WHRN: variants seen among roughly 807,000 people sequenced by gnomAD.
The protein encoded by WHRN is CASK-interacting protein CIP98.
In WHRN, 41 loss-of-function variants were observed where a neutral mutation model predicts 68.3. The ratio of observed to expected loss-of-function variants is 0.60; its 90% CI spans 0.47 to 0.78. The LOEUF is 0.78. WHRN is among the 30% of genes least tolerant of loss of function. WHRN has a pLI of 0.00. For missense variants in WHRN, 1,243 were observed against 1,244.7 expected (o/e 1.00, Z 0.02); for synonymous variants, 560 against 561.3 (o/e 1.00, Z 0.03).
chr9:114,457,849 G>A (rs1589178591), intron 3 of WHRN, among the ~76,000 whole-genome samples: 1 of 150,858 alleles, frequency 6.6e-6, no homozygotes, highest in Admixed American at 6.6e-5. Context: ...CCAGGAGGCA[G>A]AGGTTGCAGT....
At chr9:114,475,764 G>A (rs1334423075) in intron 2 of WHRN, among the ~76,000 whole-genome samples, 2 of 152,128 alleles carry the variant, frequency 1.3e-5, no homozygotes, top group Non-Finnish European at 2.9e-5. Context: ...GGGATCCAGA[G>A]ACATCAGCTC....
intron 1 of WHRN, 62 bp downstream of exon 1, chr9:114,504,122 T>C: frequency 6.2e-7 from 1 of 1,611,120 alleles, no homozygotes; most frequent in Non-Finnish European, 8.5e-7. Flanking sequence ...ATGGAGTTAC[T>C]GAAAAAGCTG....
chr9:114,406,741 G>C lies in WHRN; in HGVS notation c.1850C>G (p.Ser617Trp), dbSNP rs150146590. 19 of 1,614,150 alleles carry C rather than the reference G, an allele frequency of 1.2e-5. No homozygotes were observed. The African/African-American group carries it at 2.3e-4, about 19-fold the overall frequency. Residue 617 changes from serine (S) to tryptophan (W), a missense_variant, in exon 9 of 12, where the codon TCG becomes TGG. By Grantham distance (177) the Ser-to-Trp change is radical. Transcript: ENST00000362057. ...CTGTGGAGCCGAGAAGACAGTGCCC[G>C]AGCAGGAAGGCATGGAGGAAGGTGG... ...LQPPSSMPSC[S>W]GTVFSAPQNR...
chr9:114,461,582 T>C (rs946345883), intron 3 of WHRN, among the ~76,000 whole-genome samples: 2 of 152,260 alleles, frequency 1.3e-5, no homozygotes, highest in African/African-American at 4.8e-5. Context: ...CACCTGGCTT[T>C]CCACGTTCAG....
chr9:114,418,312 C>T (rs1835979672), intron 7 of WHRN, among the ~76,000 whole-genome samples: 1 of 152,112 alleles, frequency 6.6e-6, no homozygotes, highest in African/African-American at 2.4e-5. Flanking sequence ...AGAGGGGTTC[C>T]CAGGAGACAA....
chr9:114,414,242 T>G (rs1305683809), intron 7 of WHRN, among the ~76,000 whole-genome samples: 2 of 152,222 alleles, frequency 1.3e-5, no homozygotes, highest in Admixed American at 1.3e-4. Flanking sequence ...ATTTATGCAC[T>G]TCTTGGCTTC....
At chr9:114,480,057 C>T (rs573573006) in intron 1 of WHRN, among the ~76,000 whole-genome samples, 3 of 151,956 alleles carry the variant, frequency 2.0e-5, no homozygotes, top group East Asian at 3.9e-4. Flanking sequence ...AATGAGACTC[C>T]TTCTCAAAAA....
chr9:114,417,752 G>A (rs1835923329), intron 7 of WHRN, among the ~76,000 whole-genome samples: 1 of 152,242 alleles, frequency 6.6e-6, no homozygotes, highest in Non-Finnish European at 1.5e-5. Flanking sequence ...GAATAAAGGT[G>A]ATTATTTCAA....
chr9:114,503,324 C>A, intron 1 of WHRN: 9 of 451,366 alleles, frequency 2.0e-5, no homozygotes, highest in Non-Finnish European at 2.3e-5. Context: ...TTCTTGTACG[C>A]AAAGGAGGTC....
chr9:114,502,840 C>T lies in WHRN; in HGVS notation c.618+1344G>A, dbSNP rs192829058. 4.1e-3 allele frequency among the ~76,000 whole-genome samples: 619 copies of T among 152,248 alleles called. 3 individuals are homozygous for T. Among genetic ancestry groups the T allele is most frequent in the Non-Finnish European group, 7.2e-3 (487 of 68,010 alleles). On this transcript the variant is annotated intron_variant, in intron 1 of 11. Coordinates refer to ENST00000362057, the MANE Select transcript of WHRN (RefSeq NM_015404.4). The stretch of plus-strand genomic sequence containing the variant: ...AACTCCAGACCATTTAAGGCCAAGG[C>T]TAATGGACTACTTCTTTATAAATAT...
At chr9:114,424,680 C>CACCTTGCCTTGATAGT (rs1235905293) in intron 5 of WHRN, 134 bp from the exon 6 acceptor site, 4 of 1,039,540 alleles carry the variant, frequency 3.8e-6, no homozygotes, top group Non-Finnish European at 4.3e-6. Flanking sequence ...TAACCCCCAG[C>CACCTTGCCTTGATAGT]ACCTTGCCTT....
chr9:114,492,805 G>C (rs150235430), intron 1 of WHRN, among the ~76,000 whole-genome samples: 49 of 151,936 alleles, frequency 3.2e-4, no homozygotes, highest in African/African-American at 1.1e-3. Context: ...GCGCAACATG[G>C]TGAAACCCCA....
At chr9:114,494,225 C>T (rs973466876) in intron 1 of WHRN, among the ~76,000 whole-genome samples, 4 of 152,196 alleles carry the variant, frequency 2.6e-5, no homozygotes, top group African/African-American at 7.2e-5. Flanking sequence ...ACATCTTGTG[C>T]GTGTTATCTG....
chr9:114,478,814 G>A (rs201792515), intron 1 of WHRN, 43 bp from the exon 2 acceptor site: 25 of 1,571,138 alleles, frequency 1.6e-5, no homozygotes, highest in Admixed American at 5.5e-5. Flanking sequence ...GGGAGGTGCC[G>A]GGGGTGTGGA....
chr9:114,422,136 TG>T (rs1374620280), intron 7 of WHRN, among the ~76,000 whole-genome samples: 3 of 152,210 alleles, frequency 2.0e-5, no homozygotes, highest in Non-Finnish European at 4.4e-5. Context: ...TCTGAGCTCC[TG>T]CTCTCCCACT....
intron 2 of WHRN, among the ~76,000 whole-genome samples, 174 bp from the exon 3 acceptor site, chr9:114,466,566 T>C (rs994679296): frequency 6.6e-6 from 1 of 152,320 alleles, no homozygotes; most frequent in Non-Finnish European, 1.5e-5. Context: ...GCCCCAGCTC[T>C]GCCTCTGACT....
At chr9:114,414,091 A>G (rs1317395750) in intron 7 of WHRN, among the ~76,000 whole-genome samples, 2 of 152,188 alleles carry the variant, frequency 1.3e-5, no homozygotes, top group Non-Finnish European at 2.9e-5. Context: ...CTTCATTTCC[A>G]TTAACCTCTA....
At chr9:114,414,147 C>T (rs932945110) in intron 7 of WHRN, among the ~76,000 whole-genome samples, 1 of 152,180 alleles carries the variant, frequency 6.6e-6, no homozygotes, top group Admixed American at 6.5e-5. Context: ...AGCAACAAAG[C>T]CTCAGAGGAA....
rs551282039 is a variant in WHRN, at chr9:114,413,340, G to C, written c.1627-5322C>G. ...CAGGGCAAGTCCGGTGGCACGGCCA[G>C]AGCTGGGCTGGGAAGAGGAGCTTGT... On this transcript the variant is annotated intron_variant, in intron 7 of 11. Transcript: ENST00000362057. 2.0e-5 allele frequency among the ~76,000 whole-genome samples: 3 copies of C among 152,372 alleles called. 1 individual carries two copies. The South Asian group carries it at 6.2e-4, about 32-fold the overall frequency.
Sources: gnomAD v4.1 joint callset for allele counts (sites outside exome capture counted in the v4.1 genomes callset) on GRCh38, gnomAD v4.1.1 for gene constraint, MANE v1.5 for transcripts, NCBI Gene and HGNC (gene_info 2026-07-23, HGNC 2026-07-21) for gene names.